DNAH7: variants seen among roughly 807,000 people sequenced by gnomAD.
The protein encoded by DNAH7 is axonemal beta dynein heavy chain 7.
DNAH7 carries 397 observed loss-of-function variants against 444.6 expected under a neutral mutation model. The observed-to-expected ratio is 0.89, with a 90% confidence interval of 0.82 to 0.97. DNAH7 has a LOEUF of 0.97. DNAH7 is among the 50% of genes least tolerant of loss of function. The pLI, the probability that DNAH7 is intolerant of heterozygous loss-of-function variation, is 0.00. For synonymous variants in DNAH7, 1,636 were observed against 1,624.4 expected, an observed-to-expected ratio of 1.01 and a Z score of -0.17; for missense variants, 4,902 against 4,800.8, an observed-to-expected ratio of 1.02 and a Z score of -0.62.
intron 57 of DNAH7, among the ~76,000 whole-genome samples, chr2:195,793,141 T>C (rs1399488040): frequency 6.6e-6 from 1 of 152,096 alleles, no homozygotes; most frequent in African/African-American, 2.4e-5. Context: ...CTCACTATAT[T>C]GTCCAGGCTG....
At chr2:196,008,526 T>C (rs1369744394) in intron 10 of DNAH7, among the ~76,000 whole-genome samples, 2 of 152,194 alleles carry the variant, frequency 1.3e-5, no homozygotes, top group Admixed American at 1.3e-4. Context: ...CATTACCTGA[T>C]GACTGGATGA....
Position 196,019,409 on chromosome 2 carries a change from CATA to C in DNAH7, c.744-117_744-115del, listed in dbSNP as rs767417119. 25 of 761,088 alleles carry C rather than the reference CATA, an allele frequency of 3.3e-5. 1 individual carries two copies. The highest frequency in any genetic ancestry group is 1.1e-4 in the African/African-American group (6 of 54,700). 47.1% of individuals were successfully genotyped at this position (761,088 alleles called of 1,614,324 possible). A position where few individuals can be genotyped will look rare whatever the true frequency, so the allele number is the denominator to read the frequency against. ...ATAAAATATGTGCTGTATCCCTCAT[CATA>C]ATAACAAAACAAGCAATTATGTTTT... On this transcript the variant is annotated intron_variant, in intron 8 of 64. Coordinates refer to ENST00000312428, the MANE Select transcript of DNAH7 (RefSeq NM_018897.3).
At chr2:196,022,165 T>G (rs967850163) in intron 8 of DNAH7, among the ~76,000 whole-genome samples, 1 of 152,122 alleles carries the variant, frequency 6.6e-6, no homozygotes, top group Non-Finnish European at 1.5e-5. Flanking sequence ...TTAAAATACT[T>G]TGTTGCCACA....
Position 196,030,929 on chromosome 2 carries a change from TG to T in DNAH7, c.399-2883del, listed in dbSNP as rs538502148. Among the ~76,000 whole-genome samples, 58 of 152,346 alleles carry T rather than the reference TG, an allele frequency of 3.8e-4. 1 individual carries two copies. The East Asian group carries it at 9.3e-3, about 24-fold the overall frequency. ...CAAGCTGTCAGTGGATCTACCATGCTGGGGTCTGAAGGACAGTGGCCCTCTT... is the reference window on the plus strand; with the variant it reads ...CAAGCTGTCAGTGGATCTACCATGCTGGGTCTGAAGGACAGTGGCCCTCTT... On this transcript the variant is annotated intron_variant, in intron 5 of 64. Coordinates refer to ENST00000312428, the MANE Select transcript of DNAH7 (RefSeq NM_018897.3).
At chr2:195,985,401 G>A (rs896782891) in intron 14 of DNAH7, among the ~76,000 whole-genome samples, 21 of 152,136 alleles carry the variant, frequency 1.4e-4, no homozygotes, top group African/African-American at 4.6e-4. Flanking sequence ...GGGAAGGAGA[G>A]GTTCAAAATA....
At chr2:195,826,639 TA>T (rs1178408334) in intron 48 of DNAH7, among the ~76,000 whole-genome samples, 22 of 152,234 alleles carry the variant, frequency 1.4e-4, no homozygotes, top group Admixed American at 1.1e-3. Flanking sequence ...GTTAACTATA[TA>T]TTTTTTTCTG....
intron 5 of DNAH7, among the ~76,000 whole-genome samples, chr2:196,034,110 A>G (rs1462868870): frequency 1.3e-5 from 2 of 152,216 alleles, no homozygotes; most frequent in African/African-American, 2.4e-5. Context: ...AAATGAAGAA[A>G]TAAAATTGTT....
intron 10 of DNAH7, among the ~76,000 whole-genome samples, chr2:196,006,951 AAAG>A (rs768167901): frequency 1.3e-5 from 2 of 152,190 alleles, no homozygotes; most frequent in African/African-American, 4.8e-5. Context: ...GAAATAAATT[AAAG>A]AAGAACTAAA....
chr2:196,011,663 T>C (rs1334454544), intron 10 of DNAH7, among the ~76,000 whole-genome samples: 1 of 152,186 alleles, frequency 6.6e-6, no homozygotes, highest in African/African-American at 2.4e-5. Flanking sequence ...TGATAAACAC[T>C]TTCTGGCTCA....
At chr2:195,903,207 A>C (rs1195717922) in intron 27 of DNAH7, 1 of 152,100 alleles carries the variant, frequency 6.6e-6, no homozygotes, top group Non-Finnish European at 1.5e-5. Flanking sequence ...TACTTTCTGG[A>C]GCATGCTTTC....
At chr2:196,055,645 G>A (rs1307306795) in intron 2 of DNAH7, among the ~76,000 whole-genome samples, 2 of 152,226 alleles carry the variant, frequency 1.3e-5, no homozygotes. Context: ...GGGAGAATGA[G>A]GGTGTGGCAA....
At chr2:195,865,148 T>A (rs900874543) in intron 40 of DNAH7, 127 bp from the exon 41 acceptor site, 1 of 849,832 alleles carries the variant, frequency 1.2e-6, no homozygotes, top group Non-Finnish European at 1.7e-6. Context: ...TAAAAGTATA[T>A]CCAAATAATC....
In DNAH7 at chr2:195,864,496, A is replaced by C. The variant is rs1559159491; in HGVS notation, c.7159T>G (p.Cys2387Gly). 4 of 1,614,164 alleles carry C rather than the reference A, an allele frequency of 2.5e-6. No individual in the cohort carries two copies. Among genetic ancestry groups the C allele is most frequent in the Non-Finnish European group, 3.4e-6 (4 of 1,180,038 alleles). The change falls in exon 41 of 65, where the codon TGT (cysteine) becomes GGT (glycine). Residue 2387 changes from cysteine (C) to glycine (G), a missense_variant. Transcript: ENST00000312428. The part of the protein sequence containing the change: ...HEDLKVILRK[C>G]AEGEMQGVFL... ...ACACCCTGCATCTCACCTTCCGCAC[A>C]TTTCCTTAAGATCACTTTTAAATCT... is the stretch of plus-strand genomic sequence containing the variant.
intron 7 of DNAH7, among the ~76,000 whole-genome samples, chr2:196,026,348 CTTA>C (rs1695686838): frequency 6.6e-6 from 1 of 152,130 alleles, no homozygotes; most frequent in African/African-American, 2.4e-5. Flanking sequence ...ATTGTTAATG[CTTA>C]CACTTTTAGG....
At chr2:196,046,037 A>C (rs1697100743) in intron 5 of DNAH7, among the ~76,000 whole-genome samples, 1 of 152,130 alleles carries the variant, frequency 6.6e-6, no homozygotes, top group Non-Finnish European at 1.5e-5. Context: ...GATGGTTAAA[A>C]TAGACTTCTG....
chr2:195,973,213 A>T (rs998664956), intron 15 of DNAH7, among the ~76,000 whole-genome samples: 2 of 152,158 alleles, frequency 1.3e-5, no homozygotes, highest in Non-Finnish European at 2.9e-5. Context: ...TGTTTCATTT[A>T]TCCCAGTACT....
At chr2:195,821,682 A>C (rs1193197220) in intron 49 of DNAH7, among the ~76,000 whole-genome samples, 1 of 152,200 alleles carries the variant, frequency 6.6e-6, no homozygotes, top group Non-Finnish European at 1.5e-5. Context: ...GGCACAGTAG[A>C]TAAACTGGAA....
At chr2:195,879,852 A>C (rs1003997586) in intron 36 of DNAH7, among the ~76,000 whole-genome samples, 3 of 152,174 alleles carry the variant, frequency 2.0e-5, no homozygotes, top group Non-Finnish European at 4.4e-5. Flanking sequence ...CAATTATTTT[A>C]ATCTAAGTTC....
At chr2:195,876,746 G>C in intron 36 of DNAH7, 47 bp from the exon 37 acceptor site, 2 of 1,340,870 alleles carry the variant, frequency 1.5e-6, no homozygotes, top group Non-Finnish European at 2.1e-6. Context: ...ATTATGTTTT[G>C]ACATTTCAGA....
Sources: allele counts gnomAD v4.1 joint callset (sites outside exome capture counted in the v4.1 genomes callset), GRCh38; gene constraint gnomAD v4.1.1; transcripts MANE v1.5; gene names NCBI Gene and HGNC (gene_info 2026-07-23, HGNC 2026-07-21).